RBM24: variants seen among roughly 807,000 people sequenced by gnomAD.
RBM24 encodes the protein RNA binding motif protein 24.
Under a neutral mutation model 23.6 loss-of-function variants are expected in RBM24, and 5 were observed. That is an observed-to-expected ratio of 0.21 (90% confidence interval 0.11 to 0.45). The LOEUF (loss-of-function observed/expected upper bound fraction) is 0.45. Among genes scored for constraint, RBM24 ranks in the 20% least tolerant of loss-of-function variants. The probability of loss-of-function intolerance (pLI) is 0.99; values close to 1 mark genes in which losing one functional copy is unlikely to be tolerated. For synonymous variants in RBM24, 151 were observed against 129.5 expected (o/e 1.17, Z -1.13); for missense variants, 252 against 314.6 (o/e 0.80, Z 1.51).
chr6:17,285,829 C>T (rs926559568), intron 3 of RBM24, among the ~76,000 whole-genome samples: 12 of 152,116 alleles, frequency 7.9e-5, no homozygotes, highest in African/African-American at 2.7e-4. Context: ...GATCACCCCT[C>T]GCCTCAATTT....
At chr6:17,285,922 T>C (rs1760181331) in intron 3 of RBM24, among the ~76,000 whole-genome samples, 1 of 152,214 alleles carries the variant, frequency 6.6e-6, no homozygotes, top group Non-Finnish European at 1.5e-5. Flanking sequence ...TTAAATTTTC[T>C]TTTTAAATGT....
intron 3 of RBM24, among the ~76,000 whole-genome samples, chr6:17,287,979 A>G (rs1240611841): frequency 6.6e-6 from 1 of 152,214 alleles, no homozygotes; most frequent in African/African-American, 2.4e-5. Context: ...TGTAACTAAC[A>G]CTAACCAAAC....
Position 17,281,709 on chromosome 6 carries a change from T to G in RBM24, c.128T>G (p.Ile43Ser). ...GGCGAGATCGAGGAGGCGGTGGTCA[T>G]CACCGACCGGCAGACGGGCAAGTCC... ...VFGEIEEAVVITDRQTGKSRG... is the reference protein window; with the variant it reads ...VFGEIEEAVVSTDRQTGKSRG... Residue 43 changes from isoleucine (I) to serine (S), a missense_variant, in exon 1 of 4, where the codon ATC becomes AGC. Coordinates refer to ENST00000379052, the MANE Select transcript of RBM24 (RefSeq NM_001143942.2). The surrounding 1 kb of genome is among the most constrained non-coding windows in gnomAD (Gnocchi z 7.1). 4.5e-6 allele frequency: 7 copies of G among 1,551,776 alleles called. No individual in the cohort carries two copies. Among genetic ancestry groups the G allele is most frequent in the Non-Finnish European group, 6.1e-6 (7 of 1,147,344 alleles).
Position 17,281,970 on chromosome 6 carries a change from G to T in RBM24, c.168+221G>T. ...GACCCAGCGCTGTGCGAGGTCGGGG[G>T]CCGGGCAGGGCAGAGCAGGGGTGAA... On this transcript the variant is annotated intron_variant, in intron 1 of 3. Coordinates refer to ENST00000379052, the MANE Select transcript of RBM24 (RefSeq NM_001143942.2). This position sits in a 1 kb window ranked among gnomAD's most constrained non-coding sequence, Gnocchi z 7.1. 7.3e-7 allele frequency: 1 copy of T among 1,370,674 alleles called. No homozygotes were observed. Among genetic ancestry groups the T allele is most frequent in the Non-Finnish European group, 9.5e-7 (1 of 1,050,800 alleles). The allele number at this position is 1,370,674 out of a possible 1,614,324, so 84.9% of individuals were successfully genotyped here.
intron 3 of RBM24, among the ~76,000 whole-genome samples, chr6:17,285,850 C>G (rs1760178909): frequency 6.6e-6 from 1 of 152,172 alleles, no homozygotes; most frequent in South Asian, 2.1e-4. Flanking sequence ...ATCCTGGACA[C>G]TAGATTCTGT....
chr6:17,287,924 CTG>C (rs1218448019), intron 3 of RBM24, among the ~76,000 whole-genome samples: 2 of 152,168 alleles, frequency 1.3e-5, no homozygotes, highest in African/African-American at 2.4e-5. Flanking sequence ...TGTGGTAACA[CTG>C]TGCTTAGTTT....
chr6:17,291,915 C>G lies in RBM24; in HGVS notation c.507C>G (p.Ala169=). ...CAGCAGCTGCTGCTGCTGCCGCCGC[C>G]GCTGCTGCCTATGACCAGTACCCCT... ...QYSAAAAAAA[A]AAAYDQYPYA... Residue 169 remains alanine, a synonymous_variant, in exon 4 of 4, where the codon GCC becomes GCG. Coordinates refer to ENST00000379052, the MANE Select transcript of RBM24 (RefSeq NM_001143942.2). The G allele has an allele frequency of 2.5e-6, 4 of 1,613,070 alleles. No homozygotes were observed. The highest frequency in any genetic ancestry group is 3.4e-6 in the Non-Finnish European group (4 of 1,179,634).
At chr6:17,284,324 CTG>C (rs1428722044) in intron 2 of RBM24, among the ~76,000 whole-genome samples, 3 of 152,206 alleles carry the variant, frequency 2.0e-5, no homozygotes, top group Non-Finnish European at 4.4e-5. Flanking sequence ...TGGTTCAAAA[CTG>C]TGAGAATATT....
chr6:17,291,874 G>T lies in RBM24; in HGVS notation c.466G>T (p.Ala156Ser). 1 of 1,614,004 alleles carries T rather than the reference G, an allele frequency of 6.2e-7. No individual in the cohort carries two copies. Among genetic ancestry groups the T allele is most frequent in the Non-Finnish European group, 8.5e-7 (1 of 1,180,016 alleles). Residue 156 changes from alanine (A) to serine (S), a missense_variant, in exon 4 of 4, where the codon GCA (alanine) becomes TCA (serine). Ala to Ser is a moderately conservative substitution (Grantham distance 99). Transcript: ENST00000379052. Reference protein sequence around the residue: ...TTPYIDYTGAAYAQYSAAAAA... With the variant: ...TTPYIDYTGASYAQYSAAAAA... ...CCCTTACATTGATTACACTGGAGCTGCATACGCACAATACTCAGCAGCTGC... is the reference window on the plus strand; with the variant it reads ...CCCTTACATTGATTACACTGGAGCTTCATACGCACAATACTCAGCAGCTGC...
Position 17,293,087 on chromosome 6 carries a change from A to G in RBM24, c.*968A>G, listed in dbSNP as rs1760418837. 1 of 152,284 alleles carries G rather than the reference A, an allele frequency of 6.6e-6. No homozygotes were observed. The allele number at this position is 152,284 out of a possible 1,614,324, so 9.4% of individuals were successfully genotyped here. On this transcript the variant is annotated 3_prime_UTR_variant, in exon 4 of 4. Transcript: ENST00000379052. ...TTTTTAAGTAATTTTACACTTTAGT[A>G]TCTATTTCAGAGTCATATTTAAAAC...
intron 3 of RBM24, among the ~76,000 whole-genome samples, chr6:17,287,167 G>A (rs1445493251): frequency 6.6e-6 from 1 of 152,134 alleles, no homozygotes; most frequent in Non-Finnish European, 1.5e-5. Flanking sequence ...TTCAGAGTCT[G>A]TACCTAACAA....
In RBM24 at chr6:17,281,784, C is replaced by G. The variant is rs1460712142; in HGVS notation, c.168+35C>G. ...ACGGACTGGGGGTGACGGGGAGGGACGGAGTGGCGGCTGACCCCGGGGATC... is the reference window on the plus strand; with the variant it reads ...ACGGACTGGGGGTGACGGGGAGGGAGGGAGTGGCGGCTGACCCCGGGGATC... On this transcript the variant is annotated intron_variant, in intron 1 of 3. Coordinates refer to ENST00000379052, the MANE Select transcript of RBM24 (RefSeq NM_001143942.2). The surrounding 1 kb of genome is among the most constrained non-coding windows in gnomAD (Gnocchi z 7.1). 4 of 1,542,954 alleles carry G rather than the reference C, an allele frequency of 2.6e-6. No individual in the cohort carries two copies. Among genetic ancestry groups the G allele is most frequent in the Non-Finnish European group, 3.5e-6 (4 of 1,142,838 alleles).
chr6:17,282,963 A>G (rs1212284196), intron 2 of RBM24, 35 bp downstream of exon 2: 1 of 1,470,156 alleles, frequency 6.8e-7, no homozygotes, highest in Non-Finnish European at 9.5e-7. Flanking sequence ...CCCCCTCTCC[A>G]AGAACCCCCC....
In RBM24 at chr6:17,292,860, T is replaced by A. The variant is rs1760413334; in HGVS notation, c.*741T>A. 6.6e-6 allele frequency: 1 copy of A among 152,654 alleles called. No homozygotes were observed. The highest frequency in any genetic ancestry group is 6.5e-5 in the Admixed American group (1 of 15,284). 9.5% of individuals were successfully genotyped at this position (152,654 alleles called of 1,614,324 possible). On this transcript the variant is annotated 3_prime_UTR_variant, in exon 4 of 4. Coordinates refer to ENST00000379052, the MANE Select transcript of RBM24 (RefSeq NM_001143942.2). ...ATCACTTGTGCTTGTTTGATGAGCT[T>A]GTCACATTCTAATCCCTCTCCCCAT... is the stretch of plus-strand genomic sequence containing the variant.
rs539148835 is a variant in RBM24, at chr6:17,284,641, T to C, written c.293-16T>C. The C allele has an allele frequency of 1.2e-6, 2 of 1,602,742 alleles. No individual in the cohort carries two copies. Among genetic ancestry groups the C allele is most frequent in the South Asian group, 2.2e-5 (2 of 89,612 alleles). ...AACCATGCACAAATAAAGAATGTGG[T>C]ATATTTTGTTGTTAGGTTTTGCCTT... On this transcript the variant is annotated splice_polypyrimidine_tract_variant and intron_variant, in intron 2 of 3. Coordinates refer to ENST00000379052, the MANE Select transcript of RBM24 (RefSeq NM_001143942.2).
At chr6:17,290,094 T>C in intron 3 of RBM24, 1 of 1,289,088 alleles carries the variant, frequency 7.8e-7, no homozygotes, top group Non-Finnish European at 1.0e-6. Context: ...TTTTTATCAT[T>C]GGGGCCAAAG....
chr6:17,290,057 T>C, intron 3 of RBM24: 1 of 1,289,410 alleles, frequency 7.8e-7, no homozygotes, highest in Non-Finnish European at 1.0e-6. Context: ...CTGGGAAACA[T>C]CTACAAGTCT....
rs565578219 is a variant in RBM24 at position 17,286,812 on chromosome 6, G to T, written c.347+2101G>T. Among the ~76,000 whole-genome samples, 43 of 152,278 alleles carry T rather than the reference G, an allele frequency of 2.8e-4. No homozygotes were observed. In the Middle Eastern group the frequency reaches 0.01, roughly 36 times the overall value. ...AGGCATAGAGGAGAAGACTCAGTGC[G>T]TGGAGAAACCAGACTGTCTAAGGTG... On this transcript the variant is annotated intron_variant, in intron 3 of 3. Transcript: ENST00000379052.
rs1360092492 is a variant in RBM24 at position 17,281,548 on chromosome 6, C to T, written c.-34C>T. On this transcript the variant is annotated 5_prime_UTR_variant, in exon 1 of 4. Transcript: ENST00000379052. This position sits in a 1 kb window ranked among gnomAD's most constrained non-coding sequence, Gnocchi z 7.1. ...GCAGCCGCTGCCCGAGCCGCAGCCGCAGCCGGAGCCCGAGCCGCGGGGCGG... is the reference window on the plus strand; with the variant it reads ...GCAGCCGCTGCCCGAGCCGCAGCCGTAGCCGGAGCCCGAGCCGCGGGGCGG... The T allele has an allele frequency of 6.8e-7, 1 of 1,470,804 alleles. No homozygotes were observed. Among genetic ancestry groups the T allele is most frequent in the African/African-American group, 1.5e-5 (1 of 67,394 alleles). The allele number at this position is 1,470,804 out of a possible 1,614,324, so 91.1% of individuals were successfully genotyped here.
Sources: allele counts gnomAD v4.1 joint callset (sites outside exome capture counted in the v4.1 genomes callset), GRCh38; gene constraint gnomAD v4.1.1; non-coding constraint Gnocchi (gnomAD v3.1); transcripts MANE v1.5; gene names NCBI Gene and HGNC (gene_info 2026-07-23, HGNC 2026-07-21).